The following ITGAL variants were observed in gnomAD, a reference collection of about 807,000 sequenced individuals.
The protein encoded by ITGAL is integrin subunit alpha L.
A neutral mutation model predicts 138.4 loss-of-function variants in ITGAL; 68 were observed. The ratio of observed to expected loss-of-function variants is 0.49; its 90% CI spans 0.40 to 0.60. The LOEUF is 0.60. Among genes scored for constraint, ITGAL ranks in the 20% least tolerant of loss-of-function variants. The probability of loss-of-function intolerance (pLI) is 0.00; values close to 1 mark genes in which losing one functional copy is unlikely to be tolerated. For missense variants in ITGAL, 1,256 were observed against 1,478.6 expected (o/e 0.85, Z 2.47); for synonymous variants, 561 against 584.3 (o/e 0.96, Z 0.57).
chr16:30,489,849 A>C (rs1488333482), intron 11 of ITGAL, among the ~76,000 whole-genome samples: 1 of 151,754 alleles, frequency 6.6e-6, no homozygotes, highest in African/African-American at 2.4e-5. Flanking sequence ...GGCAGGAGAA[A>C]CGTTTGAACC....
Position 30,479,345 on chromosome 16 carries a change from A to G in ITGAL, c.460A>G (p.Asn154Asp), listed in dbSNP as rs547394344. The change falls in exon 6 of 31, where the codon AAC becomes GAC. Residue 154 changes from asparagine (N) to aspartate (D), a missense_variant. Asn to Asp is a conservative substitution (Grantham distance 23). This residue lies in a region of ITGAL where 212 missense variants were observed against 217.4 expected (regional missense o/e 0.98). Transcript: ENST00000356798. ...GGCTTCTGCAGAATGTATCAAGGGCAACGTAGACCTGGTATTTCTGTTTGA... is the reference window on the plus strand; with the variant it reads ...GGCTTCTGCAGAATGTATCAAGGGCGACGTAGACCTGGTATTTCTGTTTGA... The part of the protein sequence containing the change: ...RPGFQECIKG[N>D]VDLVFLFDGS... 7.4e-6 allele frequency: 12 copies of G among 1,614,110 alleles called. No homozygotes were observed. The highest frequency in any genetic ancestry group is 1.0e-5 in the Non-Finnish European group (12 of 1,180,028).
Position 30,521,623 on chromosome 16 carries a change from C to G in ITGAL, c.3471C>G (p.Pro1157=). The G allele has an allele frequency of 6.2e-7, 1 of 1,614,100 alleles. No individual in the cohort carries two copies. The highest frequency in any genetic ancestry group is 8.5e-7 in the Non-Finnish European group (1 of 1,180,022). Residue 1157 remains proline, a synonymous_variant, in exon 31 of 31, where the codon CCC becomes CCG. Coordinates refer to ENST00000356798, the MANE Select transcript of ITGAL (RefSeq NM_002209.3). ...QEAGDPGCLK[P]LHEKDSESGG... ...CTGGGGATCCCGGCTGCCTGAAGCC[C>G]CTCCATGAGAAGGACTCTGAGAGTG...
chr16:30,515,365 G>C (rs1283159243), intron 25 of ITGAL, among the ~76,000 whole-genome samples: 1 of 151,976 alleles, frequency 6.6e-6, no homozygotes, highest in East Asian at 1.9e-4. Flanking sequence ...ATTGAGAGAG[G>C]CTCCCAACAT....
intron 11 of ITGAL, among the ~76,000 whole-genome samples, chr16:30,492,706 G>A (rs1354653160): frequency 2.6e-5 from 4 of 151,436 alleles, no homozygotes; most frequent in African/African-American, 7.3e-5. Context: ...ACAGGTGCCC[G>A]CCACCATGCC....
intron 9 of ITGAL, among the ~76,000 whole-genome samples, chr16:30,485,621 C>A (rs1194831703): frequency 6.6e-6 from 1 of 151,942 alleles, no homozygotes; most frequent in Non-Finnish European, 1.5e-5. Flanking sequence ...ACCTTCCAGG[C>A]TCAGGTGATC....
At chr16:30,496,371 C>G in intron 14 of ITGAL, 65 bp from the exon 15 acceptor site, 2 of 1,612,070 alleles carry the variant, frequency 1.2e-6, no homozygotes, top group Non-Finnish European at 1.7e-6. Context: ...ACTCCCCAGC[C>G]CGATCCTTCC....
chr16:30,510,129 C>A (rs529720136), intron 21 of ITGAL, among the ~76,000 whole-genome samples: 10 of 152,152 alleles, frequency 6.6e-5, no homozygotes, highest in Non-Finnish European at 1.3e-4. Flanking sequence ...ATCCTCCCAC[C>A]TCAGCCTCCC....
chr16:30,517,165 G>A, intron 26 of ITGAL, 79 bp downstream of exon 26: 2 of 959,788 alleles, frequency 2.1e-6, no homozygotes, highest in Non-Finnish European at 3.2e-6. Flanking sequence ...AGAGGGCAGG[G>A]CTTGGCCAGG....
At chr16:30,495,121 T>C (rs1282033306) in intron 13 of ITGAL, among the ~76,000 whole-genome samples, 2 of 152,078 alleles carry the variant, frequency 1.3e-5, no homozygotes, top group Non-Finnish European at 2.9e-5. Flanking sequence ...ACCTCCCAGG[T>C]TCAAGGGATT....
intron 9 of ITGAL, among the ~76,000 whole-genome samples, chr16:30,487,527 A>G (rs2050665370): frequency 6.6e-6 from 1 of 151,702 alleles, no homozygotes; most frequent in Admixed American, 6.6e-5. Context: ...CTCCTGCCTC[A>G]GCCTCCCAAG....
chr16:30,517,585 TGGGATGCCAGTGTCTTATCTGGGTTG>T, intron 26 of ITGAL, 38 bp from the exon 27 acceptor site: 3 of 1,389,026 alleles, frequency 2.2e-6, no homozygotes, highest in Non-Finnish European at 2.0e-6. Context: ...AGGGGAAAGC[TGGGATGCCAGTGTCTTATCTGGGTTG>T]GGGAGGCTCT....
intron 7 of ITGAL, among the ~76,000 whole-genome samples, chr16:30,482,034 G>A (rs1042262041): frequency 1.3e-5 from 2 of 152,134 alleles, no homozygotes; most frequent in Non-Finnish European, 2.9e-5. Context: ...TGGGATTACA[G>A]ACCTGTGCCA....
chr16:30,478,059 G>A (rs2050496717), intron 4 of ITGAL, among the ~76,000 whole-genome samples: 1 of 151,546 alleles, frequency 6.6e-6, no homozygotes, highest in South Asian at 2.1e-4. Flanking sequence ...AGAAAAGGCT[G>A]GGTGCAGTGG....
At position 30,475,573 on chromosome 16, in the gene ITGAL, G is replaced by A. The variant is rs1271594304; in HGVS notation, c.320G>A (p.Ser107Asn). The change falls in exon 4 of 31, where the codon AGC becomes AAC. Residue 107 changes from serine (S) to asparagine (N), a missense_variant. By Grantham distance (46) the Ser-to-Asn change is conservative (BLOSUM62 1). Coordinates refer to ENST00000356798, the MANE Select transcript of ITGAL (RefSeq NM_002209.3). ...MTLATDPTDGSILACDPGLSR... is the reference protein window; with the variant it reads ...MTLATDPTDGNILACDPGLSR... The stretch of plus-strand genomic sequence containing the variant: ...TTGGCAACAGACCCCACAGATGGAA[G>A]CATTTTGGTAAGAATTTTGTGCAGT... 6.2e-7 allele frequency: 1 copy of A among 1,613,114 alleles called. No individual in the cohort carries two copies. The highest frequency in any genetic ancestry group is 1.7e-5 in the Admixed American group (1 of 59,972).
rs778078436 is a variant in ITGAL at position 30,506,825 on chromosome 16, G to C, written c.2477G>C (p.Gly826Ala). 1.7e-5 allele frequency: 27 copies of C among 1,613,972 alleles called. No individual in the cohort carries two copies. Among genetic ancestry groups the C allele is most frequent in the Non-Finnish European group, 2.2e-5 (26 of 1,179,918 alleles). ...CAGCTGGACCTGCACTTCCCCCCGGGACTCTCCTTCCGCAAGGTGGAGATG... is the reference window on the plus strand; with the variant it reads ...CAGCTGGACCTGCACTTCCCCCCGGCACTCTCCTTCCGCAAGGTGGAGATG... ...WVQLDLHFPP[G>A]LSFRKVEMLK... Residue 826 changes from glycine to alanine, a missense_variant, in exon 21 of 31, where the codon GGA becomes GCA. Physicochemically the swap from Gly to Ala is moderately conservative, Grantham distance 60. This residue lies in a region of ITGAL where 867 missense variants were observed against 972.5 expected (regional missense o/e 0.89). Coordinates refer to ENST00000356798, the MANE Select transcript of ITGAL (RefSeq NM_002209.3).
chr16:30,511,727 C>T (rs1026935049), intron 24 of ITGAL, among the ~76,000 whole-genome samples: 1 of 152,214 alleles, frequency 6.6e-6, no homozygotes, highest in Non-Finnish European at 1.5e-5. Flanking sequence ...AGCCCAAACT[C>T]ATGCACACAC....
intron 17 of ITGAL, among the ~76,000 whole-genome samples, chr16:30,502,241 C>A (rs2050911981): frequency 6.6e-6 from 1 of 150,540 alleles, no homozygotes; most frequent in Admixed American, 6.6e-5. Flanking sequence ...ACTAAAAATA[C>A]AAAAAATTAG....
chr16:30,480,933 G>T, intron 6 of ITGAL: 1 of 156,284 alleles, frequency 6.4e-6, no homozygotes, highest in Non-Finnish European at 1.4e-5. Flanking sequence ...GGAGGCTGAG[G>T]CTGCAGTGAG....
chr16:30,493,211 A>G (rs1037721998), intron 11 of ITGAL, among the ~76,000 whole-genome samples: 1 of 150,574 alleles, frequency 6.6e-6, no homozygotes, highest in Admixed American at 6.6e-5. Context: ...TTTAATATCC[A>G]TGCCAACTTT....
Sources: gnomAD v4.1 joint callset for allele counts (sites outside exome capture counted in the v4.1 genomes callset) on GRCh38, gnomAD v4.1.1 for gene constraint, gnomAD v4.1.1 regional missense constraint, MANE v1.5 for transcripts, NCBI Gene and HGNC (gene_info 2026-07-23, HGNC 2026-07-21) for gene names.